CCSER1: variants seen among roughly 807,000 people sequenced by gnomAD.
CCSER1 encodes coiled-coil serine rich protein 1.
In CCSER1, 41 loss-of-function variants were observed where a neutral mutation model predicts 82.0. The observed-to-expected ratio is 0.50, with a 90% CI of 0.39 to 0.65. The LOEUF (loss-of-function observed/expected upper bound fraction) is 0.65. Among genes scored for constraint, CCSER1 ranks in the 30% least tolerant of loss-of-function variants. The pLI, the probability that CCSER1 is intolerant of heterozygous loss-of-function variation, is 0.00. For synonymous variants in CCSER1, 414 were observed against 383.9 expected (o/e 1.08, Z -0.92); for missense variants, 1,119 against 1,064.2 (o/e 1.05, Z -0.72).
intron 10 of CCSER1, among the ~76,000 whole-genome samples, chr4:91,150,001 T>A (rs557265049): frequency 6.6e-6 from 1 of 152,312 alleles, no homozygotes; most frequent in African/African-American, 2.4e-5. Context: ...AGTAGTTTTT[T>A]CCAATTCTGT....
At chr4:90,508,853 A>G (rs568067156) in intron 5 of CCSER1, among the ~76,000 whole-genome samples, 2 of 152,174 alleles carry the variant, frequency 1.3e-5, no homozygotes, top group African/African-American at 4.8e-5. Context: ...ACTTTATCTT[A>G]AAGGTTGATT....
intron 10 of CCSER1, among the ~76,000 whole-genome samples, chr4:91,139,113 T>C (rs954545117): frequency 3.9e-5 from 6 of 152,152 alleles, no homozygotes; most frequent in African/African-American, 1.4e-4. Flanking sequence ...AGCTCCTGCT[T>C]ACAAGTAAAA....
At chr4:90,454,731 A>T (rs369952780) in intron 4 of CCSER1, among the ~76,000 whole-genome samples, 29 of 152,284 alleles carry the variant, frequency 1.9e-4, no homozygotes, top group African/African-American at 6.0e-4. Context: ...AGTAGTCAGG[A>T]TCTGATTCAA....
At chr4:91,080,980 C>A (rs1023117618) in intron 9 of CCSER1, among the ~76,000 whole-genome samples, 2 of 152,128 alleles carry the variant, frequency 1.3e-5, no homozygotes, top group Non-Finnish European at 2.9e-5. Flanking sequence ...CCCAGAGGTA[C>A]AAAGAGGAGC....
rs1238283951 is a variant in CCSER1, at chr4:91,602,195, G to A, written c.*3138G>A. Among the ~76,000 whole-genome samples the A allele has an allele frequency of 1.3e-5, 2 of 151,970 alleles. No homozygotes were observed. The highest frequency in any genetic ancestry group is 1.5e-5 in the Non-Finnish European group (1 of 67,938). Reference sequence around the variant, plus strand: ...CCAATATTAATTTGTAGGCATAGTTGCCCCACTTAAAGTGTTTACAAAGAT... The same window carrying A: ...CCAATATTAATTTGTAGGCATAGTTACCCCACTTAAAGTGTTTACAAAGAT... On this transcript the variant is annotated 3_prime_UTR_variant, in exon 11 of 11. Coordinates refer to ENST00000509176, the MANE Select transcript of CCSER1 (RefSeq NM_001145065.2).
At chr4:90,645,309 C>A (rs1727360401) in intron 6 of CCSER1, among the ~76,000 whole-genome samples, 1 of 152,012 alleles carries the variant, frequency 6.6e-6, no homozygotes, top group African/African-American at 2.4e-5. Context: ...AAGAAATATT[C>A]AAAAATGTTC....
At chr4:90,811,611 G>C (rs946812662) in intron 7 of CCSER1, among the ~76,000 whole-genome samples, 1 of 152,068 alleles carries the variant, frequency 6.6e-6, no homozygotes, top group East Asian at 1.9e-4. Context: ...GATTAAATTT[G>C]GTTCCAGATT....
chr4:90,576,594 A>G (rs758996219), intron 5 of CCSER1, among the ~76,000 whole-genome samples: 1 of 152,130 alleles, frequency 6.6e-6, no homozygotes, highest in Non-Finnish European at 1.5e-5. Context: ...TTTTTCCAGA[A>G]TATCATATAA....
intron 5 of CCSER1, among the ~76,000 whole-genome samples, chr4:90,624,027 T>A (rs1722847969): frequency 6.6e-6 from 1 of 152,224 alleles, no homozygotes; most frequent in Non-Finnish European, 1.5e-5. Context: ...AGTTATTATT[T>A]TCTGCAGCTC....
chr4:91,380,236 G>A (rs146016565), intron 10 of CCSER1, among the ~76,000 whole-genome samples: 2,987 of 152,256 alleles, frequency 0.02, 76 homozygotes, highest in African/African-American at 0.067. Flanking sequence ...GATTTGGGGT[G>A]GAGAGTTCTG....
intron 10 of CCSER1, among the ~76,000 whole-genome samples, chr4:91,376,378 G>A (rs1268836097): frequency 6.6e-6 from 1 of 152,114 alleles, no homozygotes; most frequent in Non-Finnish European, 1.5e-5. Context: ...GTAGACAACT[G>A]TAACACAATG....
chr4:90,331,516 A>G (rs1296764174), intron 3 of CCSER1, among the ~76,000 whole-genome samples: 1 of 152,206 alleles, frequency 6.6e-6, no homozygotes, highest in Non-Finnish European at 1.5e-5. Flanking sequence ...TAGATTTCCT[A>G]CCAGAGTCCT....
chr4:91,188,638 G>T (rs544332288), intron 10 of CCSER1, among the ~76,000 whole-genome samples: 1 of 152,268 alleles, frequency 6.6e-6, no homozygotes, highest in African/African-American at 2.4e-5. Context: ...GCAGGTCTCA[G>T]TCATGTTCGC....
intron 9 of CCSER1, among the ~76,000 whole-genome samples, chr4:91,073,341 A>G (rs1721629700): frequency 6.6e-6 from 1 of 152,122 alleles, no homozygotes; most frequent in Non-Finnish European, 1.5e-5. Context: ...AAAAGAGATA[A>G]AAGAATTACA....
rs1356425253 is a variant in CCSER1 at position 90,461,022 on chromosome 4, C to T, written c.1604-7212C>T. On this transcript the variant is annotated intron_variant, in intron 4 of 10. Coordinates refer to ENST00000509176, the MANE Select transcript of CCSER1 (RefSeq NM_001145065.2). ...AGTGCTGTCAGTGGTTTCACTCAGT[C>T]TTGTTCCTGTACTTAGGTGTTGCCC... Among the ~76,000 whole-genome samples the T allele has an allele frequency of 1.7e-4, 23 of 137,620 alleles. 1 individual carries two copies. The highest frequency in any genetic ancestry group is 1.3e-3 in the Admixed American group (18 of 13,600). The allele number at this position is 137,620 out of a possible 152,430, so 90.3% of individuals were successfully genotyped here. A position where few individuals can be genotyped will look rare whatever the true frequency, so the allele number is the denominator to read the frequency against.
intron 9 of CCSER1, among the ~76,000 whole-genome samples, chr4:91,076,637 AAAT>A (rs1722024723): frequency 1.3e-5 from 2 of 152,136 alleles, no homozygotes; most frequent in African/African-American, 4.8e-5. Context: ...AAATAAGCTA[AAAT>A]AATATTTACC....
intron 10 of CCSER1, among the ~76,000 whole-genome samples, chr4:91,575,060 T>C (rs189636950): frequency 7.4e-4 from 113 of 152,018 alleles, no homozygotes; most frequent in African/African-American, 2.6e-3. Flanking sequence ...AATAAACTCA[T>C]GTATATAGGG....
chr4:91,101,894 T>G lies in CCSER1; in HGVS notation c.2217+15900T>G, dbSNP rs527377292. On this transcript the variant is annotated intron_variant, in intron 10 of 10. Coordinates refer to ENST00000509176, the MANE Select transcript of CCSER1 (RefSeq NM_001145065.2). ...CATCACGGATAAGTGGATTTGAAGT[T>G]GATTAAATAATCAAAGGATTACTTA... is the stretch of plus-strand genomic sequence containing the variant. 3.9e-5 allele frequency among the ~76,000 whole-genome samples: 6 copies of G among 152,292 alleles called. No homozygotes were observed. The South Asian group carries it at 8.3e-4, about 21-fold the overall frequency.
At chr4:91,242,731 C>A (rs1248993193) in intron 10 of CCSER1, among the ~76,000 whole-genome samples, 1 of 152,034 alleles carries the variant, frequency 6.6e-6, no homozygotes, top group Admixed American at 6.5e-5. Context: ...ATAAAATATT[C>A]ATAAAATACA....
Sources: allele counts gnomAD v4.1 joint callset (sites outside exome capture counted in the v4.1 genomes callset), GRCh38; gene constraint gnomAD v4.1.1; transcripts MANE v1.5; gene names NCBI Gene and HGNC (gene_info 2026-07-23, HGNC 2026-07-21).